Variants in BABAM2 observed in about 807,000 individuals in gnomAD.
The protein encoded by BABAM2 is BRISC and BRCA1-A complex member 2.
A neutral mutation model predicts 54.7 loss-of-function variants in BABAM2; 31 were observed. The ratio of observed to expected loss-of-function variants is 0.57; its 90% CI spans 0.43 to 0.77. The LOEUF (loss-of-function observed/expected upper bound fraction) is 0.77, where lower values mean the gene tolerates loss of function less well. BABAM2 is among the 30% of genes least tolerant of loss of function. BABAM2 has a pLI of 0.00. For missense variants in BABAM2, 364 were observed against 455.8 expected (o/e 0.80, Z 1.83); for synonymous variants, 167 against 162.9 (o/e 1.03, Z -0.19).
intron 6 of BABAM2, among the ~76,000 whole-genome samples, chr2:28,095,620 GGAGA>G (rs1666547696): frequency 6.6e-6 from 1 of 152,190 alleles, no homozygotes; most frequent in Admixed American, 6.5e-5. Context: ...TGTAGGATAT[GGAGA>G]GATATCTATT....
intron 6 of BABAM2, among the ~76,000 whole-genome samples, chr2:28,097,252 G>C (rs746473067): frequency 2.6e-5 from 4 of 152,088 alleles, no homozygotes; most frequent in African/African-American, 4.8e-5. Flanking sequence ...TAGAAAGTGA[G>C]TTCTTGACCA....
intron 4 of BABAM2, among the ~76,000 whole-genome samples, chr2:27,996,114 T>C (rs1673125874): frequency 6.6e-6 from 1 of 152,232 alleles, no homozygotes; most frequent in African/African-American, 2.4e-5. Flanking sequence ...TTTTCTTGGT[T>C]ATCCATCATG....
chr2:28,256,693 CTTTTTTTTTT>C (rs34881415), intron 10 of BABAM2, among the ~76,000 whole-genome samples: 2 of 122,802 alleles, frequency 1.6e-5, no homozygotes, highest in African/African-American at 3.0e-5. Context: ...TGGCTCACTT[CTTTTTTTTTT>C]TTTTTTTTTG....
intron 7 of BABAM2, among the ~76,000 whole-genome samples, chr2:28,166,636 T>A (rs1470358290): frequency 6.6e-6 from 1 of 152,160 alleles, no homozygotes; most frequent in Non-Finnish European, 1.5e-5. Flanking sequence ...TCCTCCCTTC[T>A]TTGCACTGGC....
intron 7 of BABAM2, among the ~76,000 whole-genome samples, chr2:28,174,971 A>C (rs1242970382): frequency 6.6e-6 from 1 of 152,174 alleles, no homozygotes; most frequent in Non-Finnish European, 1.5e-5. Flanking sequence ...GCAGTGCACC[A>C]GGGAGATCTG....
intron 5 of BABAM2, among the ~76,000 whole-genome samples, chr2:28,026,999 A>AAT (rs1198307704): frequency 7.7e-5 from 9 of 117,526 alleles, no homozygotes; most frequent in South Asian, 2.5e-4. Context: ...AAAATATATA[A>AAT]ATATATATAT....
intron 2 of BABAM2, among the ~76,000 whole-genome samples, chr2:27,900,995 A>G (rs1665752442): frequency 6.9e-6 from 1 of 145,584 alleles, no homozygotes; most frequent in African/African-American, 2.5e-5. Flanking sequence ...GTGAGCCGAG[A>G]TTGCACCACT....
At chr2:28,177,008 T>A (rs1325558943) in intron 7 of BABAM2, among the ~76,000 whole-genome samples, 1 of 152,090 alleles carries the variant, frequency 6.6e-6, no homozygotes, top group Non-Finnish European at 1.5e-5. Context: ...ATAGCTGAAA[T>A]CTTTCTAAGT....
At chr2:28,199,269 T>C (rs141797238) in intron 7 of BABAM2, among the ~76,000 whole-genome samples, 5 of 152,358 alleles carry the variant, frequency 3.3e-5, no homozygotes, top group South Asian at 2.1e-4. Context: ...CATCCTTTGC[T>C]CTTTCGTTAC....
chr2:28,258,797 G>A (rs1355086663), intron 10 of BABAM2, among the ~76,000 whole-genome samples: 1 of 151,436 alleles, frequency 6.6e-6, no homozygotes, highest in African/African-American at 2.4e-5. Context: ...TTCTTTTTGA[G>A]ATGGAGTCTC....
chr2:27,915,176 G>A (rs543556449), intron 2 of BABAM2, among the ~76,000 whole-genome samples: 7 of 152,258 alleles, frequency 4.6e-5, no homozygotes, highest in South Asian at 2.1e-4. Context: ...GAAGTAGCCC[G>A]GTGAAGAGGT....
At chr2:27,993,600 G>A (rs1040214103) in intron 4 of BABAM2, among the ~76,000 whole-genome samples, 3 of 152,146 alleles carry the variant, frequency 2.0e-5, no homozygotes, top group Non-Finnish European at 4.4e-5. Context: ...AAAGGAGGAA[G>A]GGTGGATCAT....
intron 4 of BABAM2, among the ~76,000 whole-genome samples, chr2:28,009,411 T>A (rs542379787): frequency 6.6e-6 from 1 of 152,222 alleles, no homozygotes; most frequent in South Asian, 2.1e-4. Context: ...AAGGGATTTT[T>A]AAAATATTAA....
At chr2:27,996,121 C>T (rs1673126552) in intron 4 of BABAM2, among the ~76,000 whole-genome samples, 1 of 152,128 alleles carries the variant, frequency 6.6e-6, no homozygotes, top group African/African-American at 2.4e-5. Flanking sequence ...GGTTATCCAT[C>T]ATGTGGTTCT....
intron 10 of BABAM2, among the ~76,000 whole-genome samples, chr2:28,248,165 G>T (rs988587239): frequency 6.7e-6 from 1 of 148,508 alleles, no homozygotes; most frequent in African/African-American, 2.4e-5. Context: ...TCTGGAGGTA[G>T]ATGTTACCTT....
At chr2:28,021,796 T>TC (rs1675290707) in intron 4 of BABAM2, among the ~76,000 whole-genome samples, 1 of 152,186 alleles carries the variant, frequency 6.6e-6, no homozygotes, top group South Asian at 2.1e-4. Context: ...AAGATTTTTT[T>TC]CCCTCCCTTT....
chr2:28,044,862 G>T (rs1330631791), intron 5 of BABAM2, among the ~76,000 whole-genome samples: 1 of 152,094 alleles, frequency 6.6e-6, no homozygotes, highest in African/African-American at 2.4e-5. Flanking sequence ...CACACTTGCA[G>T]TGAGACAGGA....
chr2:27,956,405 T>C (rs561545799), intron 3 of BABAM2, among the ~76,000 whole-genome samples: 1 of 152,220 alleles, frequency 6.6e-6, no homozygotes, highest in Non-Finnish European at 1.5e-5. Flanking sequence ...ATTTGAGATA[T>C]GAAAGAATTT....
rs996197978 is a variant in BABAM2, at chr2:28,179,163, A to C, written c.680+49783A>C. Among the ~76,000 whole-genome samples the C allele has an allele frequency of 6.6e-5, 10 of 152,304 alleles. No individual in the cohort carries two copies. The East Asian group carries it at 1.7e-3, about 26-fold the overall frequency. ...TGAGGCCAGCATTACCCTGATACCA[A>C]AACCAGACAAGAATGTAACAAAAAA... On this transcript the variant is annotated intron_variant, in intron 7 of 11. Transcript: ENST00000379624.
Sources: allele counts gnomAD v4.1 joint callset (sites outside exome capture counted in the v4.1 genomes callset), GRCh38; gene constraint gnomAD v4.1.1; transcripts MANE v1.5; gene names NCBI Gene and HGNC (gene_info 2026-07-23, HGNC 2026-07-21).